ETV6: variants seen among roughly 807,000 people sequenced by gnomAD.
ETV6 encodes the protein transcription factor ETV6.
In ETV6, 16 loss-of-function variants were observed where a neutral mutation model predicts 51.1. The ratio of observed to expected loss-of-function variants is 0.31; its 90% CI spans 0.21 to 0.48. The LOEUF is 0.48. Among genes scored for constraint, ETV6 ranks in the 20% least tolerant of loss-of-function variants. The pLI is 0.99. For missense variants in ETV6, 458 were observed against 594.8 expected, an observed-to-expected ratio of 0.77 and a Z score of 2.39; for synonymous variants, 240 against 224.1, an observed-to-expected ratio of 1.07 and a Z score of -0.64.
At chr12:11,720,737 T>C (rs1272793692) in intron 1 of ETV6, among the ~76,000 whole-genome samples, 3 of 152,146 alleles carry the variant, frequency 2.0e-5, no homozygotes, top group Non-Finnish European at 2.9e-5. Context: ...TGGGAACTAA[T>C]TAAACTAAAG....
At chr12:11,855,857 C>T (rs931055927) in intron 4 of ETV6, among the ~76,000 whole-genome samples, 2 of 152,266 alleles carry the variant, frequency 1.3e-5, no homozygotes, top group Admixed American at 6.5e-5. Context: ...TGTGCATTTC[C>T]GGCTTGCATA....
chr12:11,791,844 A>G (rs1334865073), intron 2 of ETV6, among the ~76,000 whole-genome samples: 2 of 152,130 alleles, frequency 1.3e-5, no homozygotes. Context: ...TGCACAACAG[A>G]TTCACCTGGT....
intron 2 of ETV6, among the ~76,000 whole-genome samples, chr12:11,761,505 A>G (rs138860594): frequency 6.6e-6 from 1 of 152,362 alleles, no homozygotes; most frequent in East Asian, 1.9e-4. Flanking sequence ...AGTAAGAAAG[A>G]TGCTGTGATT....
chr12:11,746,648 G>A (rs889523788), intron 1 of ETV6, among the ~76,000 whole-genome samples: 3 of 152,136 alleles, frequency 2.0e-5, no homozygotes, highest in African/African-American at 7.2e-5. Context: ...TGCATAATTT[G>A]TAATGCCTGC....
intron 1 of ETV6, among the ~76,000 whole-genome samples, chr12:11,695,814 G>A (rs1055013959): frequency 6.6e-6 from 1 of 152,186 alleles, no homozygotes; most frequent in East Asian, 1.9e-4. Context: ...ACCAGGCGGT[G>A]GGCTCAGGGA....
chr12:11,771,177 A>G (rs1280701734), intron 2 of ETV6, among the ~76,000 whole-genome samples: 3 of 152,262 alleles, frequency 2.0e-5, no homozygotes, highest in Non-Finnish European at 4.4e-5. Flanking sequence ...TGTGTCAAAA[A>G]TAGTGCATTG....
intron 1 of ETV6, among the ~76,000 whole-genome samples, chr12:11,687,354 T>C (rs1386630148): frequency 7.9e-5 from 12 of 151,914 alleles, no homozygotes; most frequent in African/African-American, 2.9e-4. Context: ...CTAATTTTTG[T>C]ATTTTTAGTA....
chr12:11,677,883 G>A (rs1417951969), intron 1 of ETV6, among the ~76,000 whole-genome samples: 2 of 152,214 alleles, frequency 1.3e-5, no homozygotes, highest in East Asian at 1.9e-4. Flanking sequence ...ACATCTCCCA[G>A]TGCAGTCACC....
At chr12:11,807,238 C>T (rs932128092) in intron 2 of ETV6, among the ~76,000 whole-genome samples, 1 of 152,170 alleles carries the variant, frequency 6.6e-6, no homozygotes, top group East Asian at 1.9e-4. Flanking sequence ...CAGAAGCAGG[C>T]GTCTACTTAA....
At chr12:11,741,571 A>G (rs1481332423) in intron 1 of ETV6, among the ~76,000 whole-genome samples, 1 of 152,196 alleles carries the variant, frequency 6.6e-6, no homozygotes, top group South Asian at 2.1e-4. Context: ...TGGGGTGGAC[A>G]TGGGGGGAGC....
At chr12:11,657,977 A>T (rs1166647088) in intron 1 of ETV6, among the ~76,000 whole-genome samples, 3 of 152,200 alleles carry the variant, frequency 2.0e-5, no homozygotes, top group African/African-American at 4.8e-5. Context: ...AGACCCATGA[A>T]TCCTGGTTCC....
chr12:11,791,016 G>A (rs1945579500), intron 2 of ETV6, among the ~76,000 whole-genome samples: 1 of 152,102 alleles, frequency 6.6e-6, no homozygotes, highest in South Asian at 2.1e-4. Flanking sequence ...GGTAGGGGAG[G>A]AGCCGTGACT....
At chr12:11,865,271 A>T (rs1946776197) in intron 4 of ETV6, among the ~76,000 whole-genome samples, 1 of 148,142 alleles carries the variant, frequency 6.8e-6, no homozygotes, top group Admixed American at 6.7e-5. Context: ...AAAAAAAAAT[A>T]GTGTCAACAT....
At chr12:11,777,747 G>C (rs1307454794) in intron 2 of ETV6, among the ~76,000 whole-genome samples, 5 of 148,450 alleles carry the variant, frequency 3.4e-5, no homozygotes, top group African/African-American at 7.5e-5. Context: ...CCTTCCCCCT[G>C]ACCCACCTCC....
rs1947310752 is a variant in ETV6, at chr12:11,892,517, T to TC, written c.*1473dup. 1 of 231,712 alleles carries TC rather than the reference T, an allele frequency of 4.3e-6. No homozygotes were observed. The highest frequency in any genetic ancestry group is 5.7e-5 in the Admixed American group (1 of 17,686). 14.4% of individuals were successfully genotyped at this position (231,712 alleles called of 1,614,324 possible). A position where few individuals can be genotyped will look rare whatever the true frequency, so the allele number is the denominator to read the frequency against. On this transcript the variant is annotated 3_prime_UTR_variant, in exon 8 of 8. Coordinates refer to ENST00000396373, the MANE Select transcript of ETV6 (RefSeq NM_001987.5). ...AGCTGTTTTAGATTTTTTTTTTTTTTCCTTTTCTAGCCATCTAAATTGACT... is the reference window on the plus strand; with the variant it reads ...AGCTGTTTTAGATTTTTTTTTTTTTTCCCTTTTCTAGCCATCTAAATTGACT...
chr12:11,833,852 G>A (rs1203898195), intron 2 of ETV6, among the ~76,000 whole-genome samples: 2 of 152,136 alleles, frequency 1.3e-5, no homozygotes, highest in Non-Finnish European at 2.9e-5. Context: ...AGACCACCTG[G>A]ATCTCTGTCA....
At chr12:11,785,179 T>C (rs1012142614) in intron 2 of ETV6, among the ~76,000 whole-genome samples, 1 of 152,116 alleles carries the variant, frequency 6.6e-6, no homozygotes, top group Non-Finnish European at 1.5e-5. Context: ...GATCTCTTAA[T>C]AAGTCTGGCA....
chr12:11,749,330 CA>C (rs1263543111), intron 1 of ETV6, among the ~76,000 whole-genome samples: 1 of 146,652 alleles, frequency 6.8e-6, no homozygotes, highest in African/African-American at 2.5e-5. Context: ...CACACACACA[CA>C]CACACACACA....
chr12:11,831,431 G>T (rs1946244105), intron 2 of ETV6, among the ~76,000 whole-genome samples: 1 of 152,182 alleles, frequency 6.6e-6, no homozygotes, highest in African/African-American at 2.4e-5. Flanking sequence ...CACCGTGTTG[G>T]CCAGGCTGGT....
Sources: gnomAD v4.1 joint callset for allele counts (sites outside exome capture counted in the v4.1 genomes callset) on GRCh38, gnomAD v4.1.1 for gene constraint, MANE v1.5 for transcripts, NCBI Gene and HGNC (gene_info 2026-07-23, HGNC 2026-07-21) for gene names.